Variants in TEX9 observed in about 807,000 individuals in gnomAD.
TEX9 encodes the protein testis-expressed protein 9.
In TEX9, 74 loss-of-function variants were observed where a neutral mutation model predicts 59.6. The ratio of observed to expected loss-of-function variants is 1.24; its 90% CI spans 1.03 to 1.51. The LOEUF (loss-of-function observed/expected upper bound fraction) is 1.51. TEX9 is among the 40% of genes most tolerant of loss of function. TEX9 has a pLI of 0.00. For synonymous variants in TEX9, 186 were observed against 152.2 expected (o/e 1.22, Z -1.64); for missense variants, 522 against 447.8 (o/e 1.17, Z -1.49).
At chr15:56,327,082 TTTCA>T (rs2046034577) in intron 1 of TEX9, among the ~76,000 whole-genome samples, 1 of 152,208 alleles carries the variant, frequency 6.6e-6, no homozygotes, top group Non-Finnish European at 1.5e-5. Flanking sequence ...TTTGATATTC[TTTCA>T]TTCAGATTTT....
chr15:56,433,224 G>A (rs1198769226), intron 12 of TEX9, among the ~76,000 whole-genome samples: 4 of 142,378 alleles, frequency 2.8e-5, no homozygotes, highest in East Asian at 2.3e-4. Context: ...TGGACACAGG[G>A]AGAGGAACAT....
intron 1 of TEX9, among the ~76,000 whole-genome samples, chr15:56,315,186 T>C (rs1452390406): frequency 2.1e-5 from 3 of 144,854 alleles, no homozygotes; most frequent in Non-Finnish European, 3.0e-5. Context: ...AATTTGATCC[T>C]GTCATTATGA....
intron 1 of TEX9, among the ~76,000 whole-genome samples, chr15:56,247,597 T>A (rs886757099): frequency 3.6e-4 from 54 of 152,112 alleles, no homozygotes. Context: ...GATCAGATCC[T>A]AAAGTAGTAT....
At chr15:56,283,043 TTG>T (rs1555430699) in intron 1 of TEX9, among the ~76,000 whole-genome samples, 3 of 111,298 alleles carry the variant, frequency 2.7e-5, no homozygotes, top group African/African-American at 6.6e-5. Context: ...AGTGTGTACA[TTG>T]TGTGGTGTGT....
the TEX9 span, among the ~76,000 whole-genome samples, chr15:56,453,262 T>C: frequency 2.6e-5 from 4 of 152,220 alleles, no homozygotes; most frequent in African/African-American, 9.6e-5. Context: ...TTACTATACA[T>C]GTACCTCTTG....
intron 1 of TEX9, among the ~76,000 whole-genome samples, chr15:56,321,418 G>T (rs1189359111): frequency 6.6e-6 from 1 of 152,188 alleles, no homozygotes; most frequent in Admixed American, 6.5e-5. Context: ...GTAGCATTTT[G>T]CAGACATCAT....
chr15:56,285,993 T>C (rs1027735462), intron 1 of TEX9, among the ~76,000 whole-genome samples: 3 of 152,200 alleles, frequency 2.0e-5, no homozygotes, highest in African/African-American at 7.2e-5. Flanking sequence ...AGATAGGCCA[T>C]TGGATTTTTA....
At chr15:56,270,364 C>T (rs1415502785) in intron 1 of TEX9, among the ~76,000 whole-genome samples, 2 of 152,116 alleles carry the variant, frequency 1.3e-5, no homozygotes, top group Non-Finnish European at 2.9e-5. Flanking sequence ...GGATAGTTAG[C>T]TCTTCTTGTT....
At chr15:56,266,261 G>C (rs892171591) in intron 1 of TEX9, among the ~76,000 whole-genome samples, 3 of 151,374 alleles carry the variant, frequency 2.0e-5, no homozygotes, top group Non-Finnish European at 4.4e-5. Flanking sequence ...CAAGTAGCTG[G>C]GACTACAGGT....
At chr15:56,438,105 G>GA (rs2050759351) in intron 12 of TEX9, among the ~76,000 whole-genome samples, 1 of 152,008 alleles carries the variant, frequency 6.6e-6, no homozygotes, top group African/African-American at 2.4e-5. Flanking sequence ...CACAGAATTG[G>GA]AAAAAACTAC....
chr15:56,365,776 C>T (rs998491749), intron 2 of TEX9, 106 bp downstream of exon 2: 155 of 1,508,720 alleles, frequency 1.0e-4, no homozygotes, highest in Middle Eastern at 3.5e-4. Context: ...ACCACTCACT[C>T]TGCAGCATTC....
upstream of TEX9, among the ~76,000 whole-genome samples, chr15:56,364,466 C>CTTTTTT (rs55845567): frequency 1.4e-5 from 2 of 139,602 alleles, no homozygotes; most frequent in Non-Finnish European, 1.6e-5. Context: ...TTTTTCTTTT[C>CTTTTTT]TTTTTTTTTT....
At chr15:56,278,309 A>G (rs1432260923) in intron 1 of TEX9, among the ~76,000 whole-genome samples, 3 of 152,222 alleles carry the variant, frequency 2.0e-5, no homozygotes, top group Non-Finnish European at 2.9e-5. Flanking sequence ...GAAGGAGATG[A>G]TGTATATTCC....
chr15:56,417,770 A>G (rs2049768163), intron 10 of TEX9, among the ~76,000 whole-genome samples: 1 of 151,822 alleles, frequency 6.6e-6, no homozygotes, highest in Non-Finnish European at 1.5e-5. Flanking sequence ...TGATCTGTCT[A>G]ATACTATGGA....
At chr15:56,433,853 A>ATTAC (rs2096799993) in intron 12 of TEX9, among the ~76,000 whole-genome samples, 1 of 152,110 alleles carries the variant, frequency 6.6e-6, no homozygotes, top group Non-Finnish European at 1.5e-5. Context: ...CATATTTATA[A>ATTAC]TTACTTTTTA....
At position 56,389,767 on chromosome 15, in the gene TEX9, G is replaced by T. The variant is rs544079689; in HGVS notation, c.395+367G>T. Among the ~76,000 whole-genome samples the T allele has an allele frequency of 6.6e-5, 10 of 151,846 alleles. No homozygotes were observed. In the East Asian group the frequency reaches 1.9e-3, roughly 29 times the overall value. On this transcript the variant is annotated intron_variant, in intron 6 of 12. Transcript: ENST00000352903. The stretch of plus-strand genomic sequence containing the variant: ...GTAGTTTTTGAGTATTTGACAAAAT[G>T]CATATATTATTTTGTCTGTTGAGCT...
chr15:56,460,007 A>ATATATATATATATATATAT, the TEX9 span, among the ~76,000 whole-genome samples: 2 of 27,612 alleles, frequency 7.2e-5, no homozygotes, highest in African/African-American at 2.7e-4. Context: ...AAAAAAAAAA[A>ATATATATATATATATATAT]AAATACATAT....
chr15:56,296,841 T>C (rs1201867761), intron 1 of TEX9, among the ~76,000 whole-genome samples: 2 of 152,204 alleles, frequency 1.3e-5, no homozygotes, highest in African/African-American at 2.4e-5. Flanking sequence ...CTTTTTTGTT[T>C]TTTGTTTTGA....
At chr15:56,370,653 T>G (rs1194223075) in intron 2 of TEX9, among the ~76,000 whole-genome samples, 4 of 152,208 alleles carry the variant, frequency 2.6e-5, no homozygotes, top group Admixed American at 2.6e-4. Flanking sequence ...TTTTAGATAA[T>G]TATGCTGGTA....
Sources: allele counts gnomAD v4.1 joint callset (sites outside exome capture counted in the v4.1 genomes callset), GRCh38; gene constraint gnomAD v4.1.1; transcripts MANE v1.5; gene names NCBI Gene and HGNC (gene_info 2026-07-23, HGNC 2026-07-21).